CHD9: variants seen among roughly 807,000 people sequenced by gnomAD.
The protein encoded by CHD9 is ATP-dependent chromatin remodeler CHD9.
CHD9 carries 77 observed loss-of-function variants against 316.1 expected under a neutral mutation model. That is an observed-to-expected ratio of 0.24 (90% CI 0.20 to 0.29). CHD9 has a LOEUF of 0.29. CHD9 is among the 10% of genes least tolerant of loss of function. The pLI is 1.00. For missense variants in CHD9, 2,763 were observed against 3,438.1 expected (o/e 0.80, Z 4.91); for synonymous variants, 1,129 against 1,158.3 (o/e 0.97, Z 0.51).
chr16:53,204,937 G>A (rs1283097783), intron 2 of CHD9, among the ~76,000 whole-genome samples: 1 of 152,076 alleles, frequency 6.6e-6, no homozygotes, highest in Non-Finnish European at 1.5e-5. Flanking sequence ...TCCACCTCCT[G>A]GGTTCAAGCG....
At chr16:53,243,589 AGG>A (rs2049296101) in intron 13 of CHD9, among the ~76,000 whole-genome samples, 1 of 152,248 alleles carries the variant, frequency 6.6e-6, no homozygotes, top group Admixed American at 6.5e-5. Flanking sequence ...CTGGGATTAC[AGG>A]CGTGAGCCTG....
intron 38 of CHD9, among the ~76,000 whole-genome samples, chr16:53,322,073 C>T (rs1476604830): frequency 2.0e-5 from 3 of 150,432 alleles, no homozygotes; most frequent in African/African-American, 7.3e-5. Context: ...CCTTGGCTCA[C>T]TGCAACCTTC....
At chr16:53,085,305 GCCT>G (rs956637738) in intron 1 of CHD9, among the ~76,000 whole-genome samples, 2 of 151,266 alleles carry the variant, frequency 1.3e-5, no homozygotes, top group Non-Finnish European at 2.9e-5. Flanking sequence ...TTTACCACTG[GCCT>G]CAAGCAATGT....
At chr16:53,316,015 G>A (rs2056856616) in intron 36 of CHD9, among the ~76,000 whole-genome samples, 1 of 152,120 alleles carries the variant, frequency 6.6e-6, no homozygotes. Flanking sequence ...GCCGAAATGG[G>A]CAAATCACTT....
chr16:53,311,779 G>C (rs2056497942), intron 34 of CHD9: 1 of 152,168 alleles, frequency 6.6e-6, no homozygotes, highest in Non-Finnish European at 1.5e-5. Context: ...TCATTTACTG[G>C]CTATTGTGAC....
chr16:53,163,490 G>A (rs943549829), intron 2 of CHD9, among the ~76,000 whole-genome samples: 1 of 152,218 alleles, frequency 6.6e-6, no homozygotes, highest in Admixed American at 6.5e-5. Context: ...GATTACAGGC[G>A]TGAGCCACTG....
chr16:53,305,738 C>A (rs1342937580), intron 31 of CHD9, among the ~76,000 whole-genome samples: 2 of 152,108 alleles, frequency 1.3e-5, no homozygotes, highest in Non-Finnish European at 2.9e-5. Flanking sequence ...GAAAATGAGT[C>A]CAATTAAACA....
chr16:53,214,926 T>C (rs2046617660), intron 3 of CHD9, among the ~76,000 whole-genome samples: 1 of 151,470 alleles, frequency 6.6e-6, no homozygotes, highest in Admixed American at 6.6e-5. Context: ...TTTTTTTTTT[T>C]TTTTTGAGAC....
chr16:53,082,200 T>TTTTATTTATTTA (rs142613847), intron 1 of CHD9, among the ~76,000 whole-genome samples: 5 of 140,984 alleles, frequency 3.5e-5, no homozygotes, highest in African/African-American at 8.0e-5. Flanking sequence ...CAGGAGAACA[T>TTTTATTTATTTA]TTTATTTATT....
At position 53,287,856 on chromosome 16, in the gene CHD9, G is replaced by A; in HGVS notation, c.5190-101G>A. The A allele has an allele frequency of 3.2e-6, 3 of 950,306 alleles. No homozygotes were observed. The South Asian group carries it at 4.1e-5, about 13-fold the overall frequency. 58.9% of individuals were successfully genotyped at this position (950,306 alleles called of 1,614,324 possible). Reference sequence around the variant, plus strand: ...CTGGCTAGAGAAGAGACGTCAGTCTGACTTTTAAAACAAACTAAAACCCTC... The same window carrying A: ...CTGGCTAGAGAAGAGACGTCAGTCTAACTTTTAAAACAAACTAAAACCCTC... On this transcript the variant is annotated intron_variant, in intron 26 of 38. Transcript: ENST00000447540.
intron 1 of CHD9, among the ~76,000 whole-genome samples, chr16:53,060,048 A>C (rs2032671975): frequency 6.6e-6 from 1 of 152,232 alleles, no homozygotes; most frequent in Non-Finnish European, 1.5e-5. Context: ...CAACCATTTA[A>C]AAATGTAAAA....
At chr16:53,316,172 C>T (rs2153104900) in intron 36 of CHD9, among the ~76,000 whole-genome samples, 1 of 152,180 alleles carries the variant, frequency 6.6e-6, no homozygotes, top group South Asian at 2.1e-4. Context: ...CCTCAGCCTC[C>T]CAAAGTGTTG....
intron 2 of CHD9, among the ~76,000 whole-genome samples, chr16:53,200,533 A>G (rs2045364911): frequency 6.6e-6 from 1 of 152,170 alleles, no homozygotes; most frequent in Admixed American, 6.5e-5. Context: ...AAATGAATGA[A>G]TAAATTAAAA....
At chr16:53,253,717 G>C (rs1239329215) in intron 17 of CHD9, among the ~76,000 whole-genome samples, 1 of 152,060 alleles carries the variant, frequency 6.6e-6, no homozygotes, top group Non-Finnish European at 1.5e-5. Context: ...CCAGTACTTG[G>C]AGAGGCCAAA....
chr16:53,125,710 T>C (rs1597066582), intron 1 of CHD9, among the ~76,000 whole-genome samples: 1 of 152,224 alleles, frequency 6.6e-6, no homozygotes, highest in African/African-American at 2.4e-5. Flanking sequence ...CAACCCATAC[T>C]GTATGATGGA....
chr16:53,105,611 C>T (rs1597003494), intron 1 of CHD9, among the ~76,000 whole-genome samples: 1 of 151,928 alleles, frequency 6.6e-6, no homozygotes, highest in African/African-American at 2.4e-5. Flanking sequence ...CATATTATTC[C>T]ATAGGAGAGT....
chr16:53,238,421 G>T lies in CHD9; in HGVS notation c.2712G>T (p.Leu904=). 6 of 1,613,006 alleles carry T rather than the reference G, an allele frequency of 3.7e-6. No individual in the cohort carries two copies. Among genetic ancestry groups the T allele is most frequent in the Middle Eastern group, 1.7e-4 (1 of 6,054 alleles). Residue 904 remains leucine (L), a synonymous_variant, in exon 12 of 39, where the codon CTG becomes CTT. Transcript: ENST00000447540. ...TTACATTCCTCTATGAAATCCTTCT[G>T]ACTGGTATAAGAGGACCTTTCCTGA... is the stretch of plus-strand genomic sequence containing the variant. The part of the protein sequence containing the change: ...QSITFLYEIL[L]TGIRGPFLII...
intron 4 of CHD9, among the ~76,000 whole-genome samples, chr16:53,225,632 G>A (rs1359136287): frequency 6.6e-6 from 1 of 151,996 alleles, no homozygotes; most frequent in Non-Finnish European, 1.5e-5. Flanking sequence ...CTTTGTAAAA[G>A]GCTTAGTTTT....
Position 53,171,278 on chromosome 16 carries a change from G to A in CHD9, c.1452+13737G>A, listed in dbSNP as rs143637391. Among the ~76,000 whole-genome samples the A allele has an allele frequency of 1.7e-4, 26 of 152,150 alleles. 2 individuals carry two copies. The highest frequency in any genetic ancestry group is 6.3e-4 in the African/African-American group (26 of 41,514). Reference sequence around the variant, plus strand: ...TAAAAAATACAAAAAAATTAGCCAGGCATGGTGGCGGGCGCCTGTAGTCCC... The same window carrying A: ...TAAAAAATACAAAAAAATTAGCCAGACATGGTGGCGGGCGCCTGTAGTCCC... On this transcript the variant is annotated intron_variant, in intron 2 of 38. Coordinates refer to ENST00000447540, the MANE Select transcript of CHD9 (RefSeq NM_001308319.2).
Sources: allele counts gnomAD v4.1 joint callset (sites outside exome capture counted in the v4.1 genomes callset), GRCh38; gene constraint gnomAD v4.1.1; transcripts MANE v1.5; gene names NCBI Gene and HGNC (gene_info 2026-07-23, HGNC 2026-07-21).